The following SLC25A24 variants were observed in gnomAD, a reference collection of about 807,000 sequenced individuals.
SLC25A24 encodes the protein mitochondrial adenyl nucleotide antiporter SLC25A24.
Under a neutral mutation model 60.7 loss-of-function variants are expected in SLC25A24, and 49 were observed. The observed-to-expected ratio is 0.81, with a 90% CI of 0.64 to 1.02. The LOEUF (loss-of-function observed/expected upper bound fraction) is 1.02. SLC25A24 is among the 50% of genes least tolerant of loss of function. SLC25A24 has a pLI of 0.00. For synonymous variants in SLC25A24, 202 were observed against 200.6 expected (o/e 1.01, Z -0.06); for missense variants, 564 against 586.3 (o/e 0.96, Z 0.39).
chr1:108,146,125 T>C (rs1215611523), intron 7 of SLC25A24, among the ~76,000 whole-genome samples: 1 of 152,202 alleles, frequency 6.6e-6, no homozygotes, highest in Non-Finnish European at 1.5e-5. Context: ...GAACAGGTCC[T>C]TCACATCCCT....
intron 3 of SLC25A24, among the ~76,000 whole-genome samples, chr1:108,164,097 C>T: frequency 6.6e-6 from 1 of 151,748 alleles, no homozygotes; most frequent in African/African-American, 2.4e-5. Flanking sequence ...ATTACATTTA[C>T]TGATTTGCGT....
rs746982524 is a variant in SLC25A24 at position 108,143,575 on chromosome 1, G to A, written c.1066C>T (p.Pro356Ser). The A allele has an allele frequency of 1.9e-6, 3 of 1,613,430 alleles. No homozygotes were observed. Among genetic ancestry groups the A allele is most frequent in the Non-Finnish European group, 2.5e-6 (3 of 1,179,704 alleles). ...ACAGCAAGATCTATGCCTGCATAAGGTATGATACCTAATAAATTGGGAACA... is the reference window on the plus strand; with the variant it reads ...ACAGCAAGATCTATGCCTGCATAAGATATGATACCTAATAAATTGGGAACA... ...GYVPNLLGII[P>S]YAGIDLAVYE... The change falls in exon 8 of 10, where the codon CCT becomes TCT. Residue 356 changes from proline (P) to serine (S), a missense_variant. Transcript: ENST00000565488.
chr1:108,192,723 A>G (rs1648383772), intron 1 of SLC25A24: 6 of 1,420,832 alleles, frequency 4.2e-6, no homozygotes, highest in African/African-American at 4.1e-5. Flanking sequence ...GTCCAGTGGG[A>G]AGAGGCCTAA....
chr1:108,199,861 G>T, intron 1 of SLC25A24, 95 bp downstream of exon 1: 1 of 959,388 alleles, frequency 1.0e-6, no homozygotes, highest in Non-Finnish European at 1.5e-6. Flanking sequence ...TCCTCTCCTG[G>T]CAACGCCTCA....
At chr1:108,150,862 T>C (rs1280098579) in intron 6 of SLC25A24, among the ~76,000 whole-genome samples, 2 of 152,210 alleles carry the variant, frequency 1.3e-5, no homozygotes, top group East Asian at 1.9e-4. Context: ...TTTATTTGTA[T>C]TGACATGCTT....
chr1:108,187,076 TC>T (rs1404215334), intron 1 of SLC25A24, among the ~76,000 whole-genome samples: 1 of 54,968 alleles, frequency 1.8e-5, no homozygotes, highest in Non-Finnish European at 3.5e-5. Context: ...AAACTCTATC[TC>T]AAAAAAAAAA....
chr1:108,167,407 G>A (rs1449127142), intron 3 of SLC25A24, among the ~76,000 whole-genome samples: 6 of 152,172 alleles, frequency 3.9e-5, no homozygotes, highest in African/African-American at 1.4e-4. Context: ...CCGCCTTGCA[G>A]TTTGATCTCA....
chr1:108,139,045 A>G lies in SLC25A24; in HGVS notation c.1249+13T>C, dbSNP rs374685812. ...GCACTTTTATCGGTGTGGTTCTGTA[A>G]TCAAAAATTCACCTTGAGCCTGCAT... is the stretch of plus-strand genomic sequence containing the variant. On this transcript the variant is annotated intron_variant, in intron 9 of 9. Transcript: ENST00000565488. 1.2e-5 allele frequency: 18 copies of G among 1,562,008 alleles called. No homozygotes were observed. The highest frequency in any genetic ancestry group is 1.6e-5 in the Non-Finnish European group (18 of 1,155,396).
In SLC25A24 at chr1:108,185,957, A is replaced by G. The variant is rs1019556855; in HGVS notation, c.184-3T>C. The G allele has an allele frequency of 2.6e-6, 4 of 1,565,812 alleles. No homozygotes were observed. The highest frequency in any genetic ancestry group is 2.3e-5 in the East Asian group (1 of 43,794). Reference sequence around the variant, plus strand: ...ACATCTCCAGTAGTAAAAATTTTCTATAAAAAAAAATTAGAGAGAAGTTAT... The same window carrying G: ...ACATCTCCAGTAGTAAAAATTTTCTGTAAAAAAAAATTAGAGAGAAGTTAT... On this transcript the variant is annotated splice_polypyrimidine_tract_variant and splice_region_variant and intron_variant, in intron 1 of 9. Transcript: ENST00000565488.
intron 1 of SLC25A24, among the ~76,000 whole-genome samples, chr1:108,194,015 GTAATT>G (rs1169546024): frequency 7.2e-6 from 1 of 139,214 alleles, no homozygotes; most frequent in African/African-American, 2.5e-5. Context: ...CACTTTTTAT[GTAATT>G]TATTTTCCTA....
At chr1:108,162,096 T>G (rs1484714922) in intron 3 of SLC25A24, among the ~76,000 whole-genome samples, 1 of 152,148 alleles carries the variant, frequency 6.6e-6, no homozygotes, top group Non-Finnish European at 1.5e-5. Context: ...GATTTCCAAT[T>G]TCATCCATGT....
At position 108,134,989 on chromosome 1, in the gene SLC25A24, T is replaced by C. The variant is rs910988442; in HGVS notation, c.*1664A>G. On this transcript the variant is annotated 3_prime_UTR_variant, in exon 10 of 10. Transcript: ENST00000565488. ...TCACATTCATACCTTACAATTTAAA[T>C]TCATAATGAACAATGAATATTTTCA... 5.3e-5 allele frequency: 8 copies of C among 152,140 alleles called. No homozygotes were observed. Among genetic ancestry groups the C allele is most frequent in the Non-Finnish European group, 8.8e-5 (6 of 68,014 alleles). The allele number at this position is 152,140 out of a possible 1,614,324, so 9.4% of individuals were successfully genotyped here.
chr1:108,160,695 C>T lies in SLC25A24; in HGVS notation c.510+487G>A, dbSNP rs569695503. On this transcript the variant is annotated intron_variant, in intron 4 of 9. Coordinates refer to ENST00000565488, the MANE Select transcript of SLC25A24 (RefSeq NM_013386.5). Reference sequence around the variant, plus strand: ...GAGTGAACGAGACTCCGTCTGCAATCCCAGCACCTCGGGAGGCCGAGGCTG... The same window carrying T: ...GAGTGAACGAGACTCCGTCTGCAATTCCAGCACCTCGGGAGGCCGAGGCTG... 1.2e-3 allele frequency among the ~76,000 whole-genome samples: 183 copies of T among 152,374 alleles called. 1 individual carries two copies. The highest frequency in any genetic ancestry group is 4.1e-3 in the African/African-American group (169 of 41,596).
intron 3 of SLC25A24, among the ~76,000 whole-genome samples, chr1:108,171,422 C>G (rs184059001): frequency 8.3e-4 from 127 of 152,242 alleles, no homozygotes; most frequent in African/African-American, 2.9e-3. Context: ...ATGTTTCCAA[C>G]AGACTGCTGA....
intron 3 of SLC25A24, among the ~76,000 whole-genome samples, chr1:108,179,020 G>A (rs186287159): frequency 1.3e-5 from 2 of 150,428 alleles, no homozygotes; most frequent in East Asian, 3.9e-4. Context: ...TAAGAGCAAA[G>A]TTTATGGCAG....
chr1:108,182,426 C>T (rs1348882752), intron 2 of SLC25A24, among the ~76,000 whole-genome samples: 1 of 152,178 alleles, frequency 6.6e-6, no homozygotes, highest in Non-Finnish European at 1.5e-5. Flanking sequence ...CCTATTTCTA[C>T]ATTTTTAATA....
intron 7 of SLC25A24, among the ~76,000 whole-genome samples, chr1:108,143,920 G>A (rs1429083433): frequency 6.6e-6 from 1 of 152,168 alleles, no homozygotes; most frequent in Non-Finnish European, 1.5e-5. Context: ...AGGAGGATCT[G>A]ATGAAGGAAG....
chr1:108,157,191 G>A (rs1679925282), intron 5 of SLC25A24, among the ~76,000 whole-genome samples: 1 of 152,144 alleles, frequency 6.6e-6, no homozygotes, highest in Admixed American at 6.5e-5. Context: ...TACAACAATA[G>A]CTAGAGATAT....
intron 4 of SLC25A24, among the ~76,000 whole-genome samples, chr1:108,159,063 T>C (rs2101615713): frequency 6.6e-6 from 1 of 152,244 alleles, no homozygotes; most frequent in Middle Eastern, 3.4e-3. Flanking sequence ...TTCAGAGAGT[T>C]CCTAAGGGTT....
Sources: gnomAD v4.1 joint callset for allele counts (sites outside exome capture counted in the v4.1 genomes callset) on GRCh38, gnomAD v4.1.1 for gene constraint, MANE v1.5 for transcripts, NCBI Gene and HGNC (gene_info 2026-07-23, HGNC 2026-07-21) for gene names.